CCDC178: variants seen among roughly 807,000 people sequenced by gnomAD.
CCDC178 encodes the protein coiled-coil domain-containing protein 178.
In CCDC178, 126 loss-of-function variants were observed where a neutral mutation model predicts 117.4. That is an observed-to-expected ratio of 1.07 (90% CI 0.93 to 1.24). The LOEUF (loss-of-function observed/expected upper bound fraction) is 1.24. Ranked by LOEUF, CCDC178 falls within the 50% of genes most tolerant of loss-of-function variation. The pLI is 0.00. For missense variants in CCDC178, 1,030 were observed against 986.9 expected, an observed-to-expected ratio of 1.04 and a Z score of -0.59; for synonymous variants, 283 against 313.4, an observed-to-expected ratio of 0.90 and a Z score of 1.02.
At chr18:33,365,031 T>C (rs961978311) in intron 6 of CCDC178, among the ~76,000 whole-genome samples, 1 of 151,816 alleles carries the variant, frequency 6.6e-6, no homozygotes, top group African/African-American at 2.4e-5. Context: ...GATGACAGGA[T>C]AAAAAGTAAA....
At chr18:33,068,390 C>A (rs2057054810) in intron 21 of CCDC178, among the ~76,000 whole-genome samples, 1 of 152,138 alleles carries the variant, frequency 6.6e-6, no homozygotes, top group Non-Finnish European at 1.5e-5. Flanking sequence ...AAGCCAATAT[C>A]CCTGGTGACC....
chr18:33,147,131 T>C (rs2625010), intron 20 of CCDC178, among the ~76,000 whole-genome samples: 1 of 148,656 alleles, frequency 6.7e-6, no homozygotes, highest in African/African-American at 2.5e-5. Flanking sequence ...CATTATCTGG[T>C]AGCTGATTTC....
chr18:33,282,051 G>A (rs2060032325), intron 12 of CCDC178, among the ~76,000 whole-genome samples: 1 of 152,152 alleles, frequency 6.6e-6, no homozygotes, highest in Non-Finnish European at 1.5e-5. Flanking sequence ...ACCAAGAGTG[G>A]ACACAGAAGC....
At chr18:33,316,602 G>C (rs1024225421) in intron 11 of CCDC178, among the ~76,000 whole-genome samples, 5 of 152,172 alleles carry the variant, frequency 3.3e-5, no homozygotes, top group African/African-American at 1.2e-4. Context: ...GATCCACTGG[G>C]TGAAGCCAGC....
intron 20 of CCDC178, among the ~76,000 whole-genome samples, chr18:33,157,227 A>C (rs1483211171): frequency 6.6e-6 from 1 of 152,190 alleles, no homozygotes; most frequent in Non-Finnish European, 1.5e-5. Flanking sequence ...CTTCCAAATT[A>C]AACCTAGAAA....
At chr18:33,089,037 C>T (rs924182906) in intron 21 of CCDC178, among the ~76,000 whole-genome samples, 3 of 152,038 alleles carry the variant, frequency 2.0e-5, no homozygotes, top group Admixed American at 2.0e-4. Context: ...TGAAACCTAC[C>T]TAAAATCCCT....
chr18:33,342,341 A>T (rs1420207229), intron 9 of CCDC178, among the ~76,000 whole-genome samples: 1 of 152,262 alleles, frequency 6.6e-6, no homozygotes, highest in Non-Finnish European at 1.5e-5. Context: ...AGGAATAGTT[A>T]TAAGAAACAA....
rs2059259844 is a variant in CCDC178, at chr18:33,223,234, G to T, written c.1819-15C>A. The T allele has an allele frequency of 1.3e-6, 2 of 1,579,254 alleles. No homozygotes were observed. Among genetic ancestry groups the T allele is most frequent in the Non-Finnish European group, 1.7e-6 (2 of 1,163,982 alleles). Reference sequence around the variant, plus strand: ...TTATTAAGCATCTAGAAGACATTCAGATATTAAGATGTGCAGCATTTGCAA... The same window carrying T: ...TTATTAAGCATCTAGAAGACATTCATATATTAAGATGTGCAGCATTTGCAA... On this transcript the variant is annotated splice_polypyrimidine_tract_variant and intron_variant, in intron 17 of 22. Transcript: ENST00000383096.
chr18:33,344,295 A>G (rs2062856053), intron 9 of CCDC178, among the ~76,000 whole-genome samples: 1 of 137,460 alleles, frequency 7.3e-6, no homozygotes, highest in Admixed American at 7.5e-5. Context: ...TGGGCGACAG[A>G]GCGAGACTCC....
intron 5 of CCDC178, among the ~76,000 whole-genome samples, chr18:33,372,725 G>C (rs1357073282): frequency 6.6e-6 from 1 of 152,128 alleles, no homozygotes; most frequent in African/African-American, 2.4e-5. Flanking sequence ...CTAGTTGTTT[G>C]TGTGGGCAAA....
chr18:33,319,223 G>A (rs2062466519), intron 11 of CCDC178, among the ~76,000 whole-genome samples: 1 of 151,532 alleles, frequency 6.6e-6, no homozygotes, highest in Non-Finnish European at 1.5e-5. Context: ...CCCAGTGTGT[G>A]ATGTTCCCCT....
intron 6 of CCDC178, among the ~76,000 whole-genome samples, chr18:33,368,388 C>G (rs2063247020): frequency 2.0e-5 from 3 of 152,036 alleles, no homozygotes; most frequent in African/African-American, 7.2e-5. Context: ...TTATCTGGCA[C>G]TAATCTAGGC....
chr18:33,317,734 G>T (rs2062439959), intron 11 of CCDC178, among the ~76,000 whole-genome samples: 1 of 152,030 alleles, frequency 6.6e-6, no homozygotes, highest in South Asian at 2.1e-4. Context: ...ACAGAAAAGG[G>T]GAGATTTGTT....
intron 21 of CCDC178, among the ~76,000 whole-genome samples, chr18:33,053,648 G>T (rs1205083128): frequency 6.6e-6 from 1 of 151,980 alleles, no homozygotes; most frequent in African/African-American, 2.4e-5. Context: ...AGTTATGGGG[G>T]TTTCCACCTT....
At chr18:33,071,199 CA>C (rs1238896620) in intron 21 of CCDC178, among the ~76,000 whole-genome samples, 1 of 151,870 alleles carries the variant, frequency 6.6e-6, no homozygotes. Context: ...GTGAGCTAGT[CA>C]TGATGGAAAG....
At chr18:33,000,780 G>A (rs2055614433) in intron 21 of CCDC178, among the ~76,000 whole-genome samples, 1 of 152,158 alleles carries the variant, frequency 6.6e-6, no homozygotes, top group Non-Finnish European at 1.5e-5. Context: ...ATAAAACTGA[G>A]AGATTTTGTC....
At chr18:33,060,923 A>T (rs1341027480) in intron 21 of CCDC178, among the ~76,000 whole-genome samples, 1 of 152,132 alleles carries the variant, frequency 6.6e-6, no homozygotes, top group Non-Finnish European at 1.5e-5. Context: ...TGATATAAAG[A>T]TGACCTATTC....
At chr18:33,314,890 C>T (rs2062395654) in intron 11 of CCDC178, among the ~76,000 whole-genome samples, 1 of 152,296 alleles carries the variant, frequency 6.6e-6, no homozygotes, top group Non-Finnish European at 1.5e-5. Context: ...AGCTGAATTG[C>T]TGTCAGATCT....
intron 3 of CCDC178, among the ~76,000 whole-genome samples, chr18:33,399,814 C>G (rs2063686205): frequency 6.6e-6 from 1 of 152,156 alleles, no homozygotes; most frequent in South Asian, 2.1e-4. Flanking sequence ...TTGACCTTCT[C>G]TCATGAATCA....
Sources: gnomAD v4.1 joint callset for allele counts (sites outside exome capture counted in the v4.1 genomes callset) on GRCh38, gnomAD v4.1.1 for gene constraint, MANE v1.5 for transcripts, NCBI Gene and HGNC (gene_info 2026-07-23, HGNC 2026-07-21) for gene names.